Variants in KDM4B observed in about 807,000 individuals in gnomAD.
KDM4B encodes lysine demethylase 4B, also known as lysine-specific demethylase 4B.
Under a neutral mutation model 125.2 loss-of-function variants are expected in KDM4B, and 32 were observed. That is an observed-to-expected ratio of 0.26 (90% CI 0.19 to 0.34). KDM4B has a LOEUF of 0.34. Among genes scored for constraint, KDM4B ranks in the 10% least tolerant of loss-of-function variants. The pLI, the probability that KDM4B is intolerant of heterozygous loss-of-function variation, is 1.00. For synonymous variants in KDM4B, 721 were observed against 677.9 expected (o/e 1.06, Z -0.99); for missense variants, 1,190 against 1,577.7 (o/e 0.75, Z 4.16).
chr19:5,079,582 G>A (rs1467736181), intron 8 of KDM4B, among the ~76,000 whole-genome samples: 2 of 152,178 alleles, frequency 1.3e-5, no homozygotes, highest in African/African-American at 2.4e-5. Flanking sequence ...TGAGTCTGAT[G>A]TCTGCCTGAC....
chr19:5,137,533 C>A, intron 16 of KDM4B, 88 bp from the exon 17 acceptor site: 1 of 1,380,210 alleles, frequency 7.2e-7, no homozygotes, highest in Non-Finnish European at 1.0e-6. Context: ...GGGCCGTGGG[C>A]TGGGGACGGT....
chr19:5,137,955 C>G lies in KDM4B; in HGVS notation c.2442-7C>G. On this transcript the variant is annotated splice_polypyrimidine_tract_variant and splice_region_variant and intron_variant, in intron 17 of 22. Coordinates refer to ENST00000159111, the MANE Select transcript of KDM4B (RefSeq NM_015015.3). ...CGCACCTGACCCCGCTGCACCTGCCCTCCCAGGTGGATCCACGTGATCTGT... is the reference window on the plus strand; with the variant it reads ...CGCACCTGACCCCGCTGCACCTGCCGTCCCAGGTGGATCCACGTGATCTGT... 1 of 1,609,500 alleles carries G rather than the reference C, an allele frequency of 6.2e-7. No homozygotes were observed. The highest frequency in any genetic ancestry group is 8.5e-7 in the Non-Finnish European group (1 of 1,177,914).
At chr19:5,089,176 G>T (rs994178638) in intron 9 of KDM4B, among the ~76,000 whole-genome samples, 6 of 152,156 alleles carry the variant, frequency 3.9e-5, no homozygotes, top group African/African-American at 1.4e-4. Context: ...GAATTGTAGG[G>T]CACACGAATC....
At chr19:5,065,826 T>C (rs574664938) in intron 6 of KDM4B, among the ~76,000 whole-genome samples, 11 of 152,314 alleles carry the variant, frequency 7.2e-5, no homozygotes, top group African/African-American at 2.6e-4. Flanking sequence ...CGCCCACCCG[T>C]CGCCAGGAGC....
intron 1 of KDM4B, among the ~76,000 whole-genome samples, chr19:4,995,096 C>T (rs2035157471): frequency 6.6e-6 from 1 of 152,172 alleles, no homozygotes; most frequent in African/African-American, 2.4e-5. Context: ...GTGAAATGAA[C>T]ACATCAAAGC....
intron 1 of KDM4B, among the ~76,000 whole-genome samples, chr19:4,972,133 A>T (rs1214595313): frequency 2.0e-5 from 3 of 152,090 alleles, no homozygotes; most frequent in Non-Finnish European, 4.4e-5. Context: ...CTGGCTTAGG[A>T]TGCCGGACAG....
intron 1 of KDM4B, among the ~76,000 whole-genome samples, chr19:5,011,058 C>T (rs1020583386): frequency 2.0e-5 from 3 of 152,164 alleles, no homozygotes; most frequent in Admixed American, 2.0e-4. Context: ...AGGTGGTCCT[C>T]GTTTTGGCCA....
At chr19:4,970,300 G>T (rs1454168413) in intron 1 of KDM4B, among the ~76,000 whole-genome samples, 2 of 152,240 alleles carry the variant, frequency 1.3e-5, no homozygotes, top group Non-Finnish European at 2.9e-5. Context: ...TAATTTACCA[G>T]CACCCTGTGA....
chr19:4,994,933 T>G (rs141197412), intron 1 of KDM4B, among the ~76,000 whole-genome samples: 1 of 152,310 alleles, frequency 6.6e-6, no homozygotes, highest in East Asian at 1.9e-4. Flanking sequence ...ATCCCCAATA[T>G]CATTTGAAGC....
chr19:5,084,454 A>G (rs1014420273), intron 9 of KDM4B, among the ~76,000 whole-genome samples: 3 of 140,322 alleles, frequency 2.1e-5, no homozygotes, highest in Non-Finnish European at 4.6e-5. Context: ...ATGTTATAAT[A>G]ATTTATATAT....
At position 5,082,855 on chromosome 19, in the gene KDM4B, C is replaced by G. The variant is rs930324117; in HGVS notation, c.918+351C>G. 3.0e-4 allele frequency among the ~76,000 whole-genome samples: 40 copies of G among 132,370 alleles called. No individual in the cohort carries two copies. The highest frequency in any genetic ancestry group is 4.4e-3 in the Middle Eastern group (1 of 226). The allele number at this position is 132,370 out of a possible 152,430, so 86.8% of individuals were successfully genotyped here. Reference sequence around the variant, plus strand: ...TCCTCCACCAGCACCATTGTCCCCCCTGCTGGCTGGCTCCTGGGCATCTCC... The same window carrying G: ...TCCTCCACCAGCACCATTGTCCCCCGTGCTGGCTGGCTCCTGGGCATCTCC... On this transcript the variant is annotated intron_variant, in intron 9 of 22. Transcript: ENST00000159111. This position sits in a 1 kb window ranked among gnomAD's most constrained non-coding sequence, Gnocchi z 5.4.
intron 18 of KDM4B, among the ~76,000 whole-genome samples, chr19:5,139,653 G>C (rs1345760719): frequency 6.6e-6 from 1 of 152,218 alleles, no homozygotes; most frequent in Non-Finnish European, 1.5e-5. Context: ...TTTGATTTGT[G>C]TTCTCCTGGC....
chr19:5,090,782 C>G (rs957851958), intron 9 of KDM4B, among the ~76,000 whole-genome samples: 2 of 150,188 alleles, frequency 1.3e-5, no homozygotes, highest in South Asian at 2.1e-4. Flanking sequence ...CCCAGCACAC[C>G]CTAGACCTTC....
chr19:5,065,550 G>A (rs560222017), intron 6 of KDM4B, among the ~76,000 whole-genome samples: 8 of 152,360 alleles, frequency 5.3e-5, no homozygotes, highest in Non-Finnish European at 4.4e-5. Flanking sequence ...CATCCATCAA[G>A]CCATTCCGGG....
chr19:4,996,202 C>G (rs1019982437), intron 1 of KDM4B, among the ~76,000 whole-genome samples: 4 of 152,158 alleles, frequency 2.6e-5, no homozygotes, highest in African/African-American at 9.7e-5. Flanking sequence ...GTTGGCCAGG[C>G]TGGTCTCAAA....
intron 1 of KDM4B, among the ~76,000 whole-genome samples, chr19:5,010,587 T>C (rs760838015): frequency 3.3e-5 from 5 of 152,236 alleles, no homozygotes; most frequent in Non-Finnish European, 5.9e-5. Context: ...TTGACACTTA[T>C]GAAGGAGAAT....
chr19:5,121,998 C>T (rs556780732), intron 11 of KDM4B, among the ~76,000 whole-genome samples: 3 of 152,230 alleles, frequency 2.0e-5, no homozygotes, highest in East Asian at 1.9e-4. Context: ...GTCCACGCTG[C>T]GGCCTCTGTG....
chr19:5,025,573 C>T (rs925206046), intron 2 of KDM4B, among the ~76,000 whole-genome samples: 5 of 152,204 alleles, frequency 3.3e-5, no homozygotes, highest in African/African-American at 7.2e-5. Flanking sequence ...GTCGGCTTCC[C>T]GTCCAACCCC....
At chr19:5,092,194 T>C (rs1229661360) in intron 9 of KDM4B, among the ~76,000 whole-genome samples, 2 of 152,076 alleles carry the variant, frequency 1.3e-5, no homozygotes, top group East Asian at 3.9e-4. Flanking sequence ...TCGTTTAGTC[T>C]CTCCCTCGGC....
Sources: gnomAD v4.1 joint callset for allele counts (sites outside exome capture counted in the v4.1 genomes callset) on GRCh38, gnomAD v4.1.1 for gene constraint, Gnocchi (gnomAD v3.1) non-coding constraint, MANE v1.5 for transcripts, NCBI Gene and HGNC (gene_info 2026-07-23, HGNC 2026-07-21) for gene names.